Variants in DIP2C observed in about 807,000 individuals in gnomAD.
DIP2C encodes the protein disco-interacting protein 2 homolog C.
Under a neutral mutation model 192.4 loss-of-function variants are expected in DIP2C, and 33 were observed. The ratio of observed to expected loss-of-function variants is 0.17; its 90% confidence interval spans 0.13 to 0.23. The LOEUF (loss-of-function observed/expected upper bound fraction) is 0.23, where lower values mean the gene tolerates loss of function less well. Among genes scored for constraint, DIP2C ranks in the 10% least tolerant of loss-of-function variants. DIP2C has a pLI of 1.00. For missense variants in DIP2C, 1,537 were observed against 2,110.1 expected, an observed-to-expected ratio of 0.73 and a Z score of 5.32; for synonymous variants, 979 against 864.1, an observed-to-expected ratio of 1.13 and a Z score of -2.33.
At position 651,365 on chromosome 10, in the gene DIP2C, A is replaced by C. The variant is rs767066813; in HGVS notation, c.85+38129T>G. 1.4e-6 allele frequency: 1 copy of C among 702,056 alleles called. No individual in the cohort carries two copies. Among genetic ancestry groups the C allele is most frequent in the South Asian group, 1.5e-5 (1 of 66,774 alleles). The allele number at this position is 702,056 out of a possible 1,614,324, so 43.5% of individuals were successfully genotyped here. ...CTTTTGCATCCCCAGCACTGTGCTC[A>C]GGTCCCAGGGAGGCCCCAGCAAACT... On this transcript the variant is annotated intron_variant, in intron 1 of 36. Coordinates refer to ENST00000280886, the MANE Select transcript of DIP2C (RefSeq NM_014974.3). This position sits in a 1 kb window ranked among gnomAD's most constrained non-coding sequence, Gnocchi z 4.1.
chr10:683,003 T>G (rs1223468598), intron 1 of DIP2C, among the ~76,000 whole-genome samples: 2 of 152,230 alleles, frequency 1.3e-5, no homozygotes, highest in African/African-American at 4.8e-5. Context: ...TCATACCTAC[T>G]GCACAAAGCA....
In DIP2C at chr10:375,079, G is replaced by A. The variant is rs116446132; in HGVS notation, c.1992-5446C>T. On this transcript the variant is annotated intron_variant, in intron 17 of 36. Coordinates refer to ENST00000280886, the MANE Select transcript of DIP2C (RefSeq NM_014974.3). ...TACGTACCTGTGTATACAATACCAC[G>A]ATGACGTGCAAAAGGGAAACAAAAT... 5.0e-3 allele frequency among the ~76,000 whole-genome samples: 764 copies of A among 152,356 alleles called. 6 individuals are homozygous for A. The highest frequency in any genetic ancestry group is 0.016 in the African/African-American group (683 of 41,590).
At chr10:369,244 C>G (rs1389032371) in intron 18 of DIP2C, among the ~76,000 whole-genome samples, 1 of 152,174 alleles carries the variant, frequency 6.6e-6, no homozygotes, top group African/African-American at 2.4e-5. Flanking sequence ...CGAAGCCTTC[C>G]AGGGAAGAGC....
At chr10:505,370 G>A (rs765548947) in intron 1 of DIP2C, among the ~76,000 whole-genome samples, 15 of 152,162 alleles carry the variant, frequency 9.9e-5, no homozygotes, top group Non-Finnish European at 1.9e-4. Flanking sequence ...AACGGACAGG[G>A]GCATCTCCAC....
At position 685,135 on chromosome 10, in the gene DIP2C, CAAAAAAAAAA is replaced by C. The variant is rs140709069; in HGVS notation, c.85+4349_85+4358del. Among the ~76,000 whole-genome samples the C allele has an allele frequency of 2.3e-3, 170 of 72,900 alleles. 1 individual carries two copies. The highest frequency in any genetic ancestry group is 0.012 in the African/African-American group (161 of 13,830). 47.8% of individuals were successfully genotyped at this position (72,900 alleles called of 152,430 possible). ...GGCAACAAGAGTGAAACTTGGTCCC[CAAAAAAAAAA>C]AAAAAAAAAAAAAAAAATATATATA... On this transcript the variant is annotated intron_variant, in intron 1 of 36. Coordinates refer to ENST00000280886, the MANE Select transcript of DIP2C (RefSeq NM_014974.3).
chr10:423,442 T>C (rs922879020), intron 4 of DIP2C, among the ~76,000 whole-genome samples: 8 of 152,244 alleles, frequency 5.3e-5, no homozygotes, highest in African/African-American at 1.7e-4. Flanking sequence ...TAGCCCTTGT[T>C]AGTCCTGAGA....
intron 1 of DIP2C, among the ~76,000 whole-genome samples, chr10:507,296 C>A (rs1044224033): frequency 2.0e-5 from 3 of 150,540 alleles, no homozygotes; most frequent in Non-Finnish European, 4.4e-5. Context: ...AGGTTACAGA[C>A]CTAGTCACCA....
chr10:369,329 C>T (rs1031021443), intron 18 of DIP2C, among the ~76,000 whole-genome samples, 165 bp downstream of exon 18: 8 of 152,204 alleles, frequency 5.3e-5, no homozygotes, highest in African/African-American at 1.9e-4. Context: ...AACACTGCCT[C>T]AAATGTCTGA....
intron 1 of DIP2C, among the ~76,000 whole-genome samples, chr10:552,783 A>G (rs1231941006): frequency 1.3e-5 from 2 of 152,210 alleles, no homozygotes; most frequent in Admixed American, 1.3e-4. Flanking sequence ...GGGGAGGCGG[A>G]GCTTGCACTG....
intron 1 of DIP2C, among the ~76,000 whole-genome samples, chr10:658,176 CCTGGACCTCACA>C (rs1856516541): frequency 7.2e-6 from 1 of 139,626 alleles, no homozygotes; most frequent in African/African-American, 2.7e-5. Context: ...TGGACCTGTC[CCTGGACCTCACA>C]CTGGACCTGT....
chr10:626,028 G>A (rs1025072486), intron 1 of DIP2C, among the ~76,000 whole-genome samples: 15 of 152,248 alleles, frequency 9.9e-5, no homozygotes, highest in Non-Finnish European at 1.3e-4. Context: ...CCCCACATAC[G>A]AAGCTATTTA....
chr10:431,520 C>G (rs1350443337), intron 4 of DIP2C, among the ~76,000 whole-genome samples: 1 of 152,146 alleles, frequency 6.6e-6, no homozygotes, highest in African/African-American at 2.4e-5. Flanking sequence ...CTCCTGACCT[C>G]AAGTGTTCTG....
chr10:455,101 T>C (rs1438309997), intron 3 of DIP2C, among the ~76,000 whole-genome samples: 1 of 152,146 alleles, frequency 6.6e-6, no homozygotes, highest in Non-Finnish European at 1.5e-5. Flanking sequence ...TCCTCCAAGG[T>C]AGATACGTGG....
intron 4 of DIP2C, among the ~76,000 whole-genome samples, chr10:436,158 CAG>C (rs1441703935): frequency 6.6e-6 from 1 of 152,224 alleles, no homozygotes; most frequent in Non-Finnish European, 1.5e-5. Context: ...TGGTGAGTGA[CAG>C]AGATCATCTT....
chr10:351,142 G>A (rs1160359904), intron 24 of DIP2C, among the ~76,000 whole-genome samples: 1 of 152,236 alleles, frequency 6.6e-6, no homozygotes, highest in African/African-American at 2.4e-5. Context: ...GAGAGGCCCA[G>A]AGGGGCTTGC....
intron 1 of DIP2C, among the ~76,000 whole-genome samples, chr10:502,977 T>C (rs816594): frequency 0.091 from 13,649 of 149,712 alleles, 1,522 homozygotes; most frequent in African/African-American, 0.27. Context: ...GCATAAATCC[T>C]GGCAGGACAC....
At chr10:324,754 C>T (rs953736094) in intron 31 of DIP2C, 8 of 362,064 alleles carry the variant, frequency 2.2e-5, no homozygotes, top group South Asian at 1.6e-4. Flanking sequence ...CCACGGCGCA[C>T]ATTCATTCAA....
At chr10:407,339 G>A (rs149108766) in intron 9 of DIP2C, among the ~76,000 whole-genome samples, 296 of 152,270 alleles carry the variant, frequency 1.9e-3, no homozygotes, top group African/African-American at 6.2e-3. Context: ...CATCTAGTCC[G>A]TGGATTTGGG....
chr10:550,023 T>C (rs905909341), intron 1 of DIP2C, among the ~76,000 whole-genome samples: 5 of 151,412 alleles, frequency 3.3e-5, no homozygotes, highest in East Asian at 3.9e-4. Flanking sequence ...TTTTTTTTTT[T>C]TCTCTTAAGA....
Sources: gnomAD v4.1 joint callset for allele counts (sites outside exome capture counted in the v4.1 genomes callset) on GRCh38, gnomAD v4.1.1 for gene constraint, Gnocchi (gnomAD v3.1) non-coding constraint, MANE v1.5 for transcripts, NCBI Gene and HGNC (gene_info 2026-07-23, HGNC 2026-07-21) for gene names.